Variants in PTK2 observed in about 807,000 individuals in gnomAD.
The protein encoded by PTK2 is focal adhesion kinase 1.
In PTK2, 45 loss-of-function variants were observed where a neutral mutation model predicts 150.1. The ratio of observed to expected loss-of-function variants is 0.30; its 90% confidence interval spans 0.24 to 0.38. The LOEUF (loss-of-function observed/expected upper bound fraction) is 0.38, where lower values mean the gene tolerates loss of function less well. Ranked by LOEUF, PTK2 falls within the 10% of genes least tolerant of loss-of-function variation. The probability of loss-of-function intolerance (pLI) is 1.00; values close to 1 mark genes in which losing one functional copy is unlikely to be tolerated. For synonymous variants in PTK2, 432 were observed against 449.2 expected (o/e 0.96, Z 0.48); for missense variants, 919 against 1,307.3 (o/e 0.70, Z 4.58).
At chr8:140,828,815 T>C (rs1336313416) in intron 8 of PTK2, among the ~76,000 whole-genome samples, 1 of 152,208 alleles carries the variant, frequency 6.6e-6, no homozygotes, top group Non-Finnish European at 1.5e-5. Flanking sequence ...GAATCTCCCA[T>C]TCTCCCAACT....
rs143811121 is a variant in PTK2, at chr8:140,754,291, G to GT, written c.1333-1976dup. Reference sequence around the variant, plus strand: ...GCACAGAATACCCTATCTACTAAATGTTTGAGTTTACAACCTTAGAATCAT... The same window carrying GT: ...GCACAGAATACCCTATCTACTAAATGTTTTGAGTTTACAACCTTAGAATCAT... On this transcript the variant is annotated intron_variant, in intron 16 of 31. Transcript: ENST00000522684. Among the ~76,000 whole-genome samples the GT allele has an allele frequency of 6.6e-5, 10 of 152,330 alleles. No individual in the cohort carries two copies. In the East Asian group the frequency reaches 1.9e-3, roughly 29 times the overall value.
At chr8:140,668,908 A>G (rs2093972061) in intron 29 of PTK2, 1 of 155,806 alleles carries the variant, frequency 6.4e-6, no homozygotes, top group Non-Finnish European at 1.4e-5. Flanking sequence ...TAATGGAAAC[A>G]TGTTCTTTGT....
intron 27 of PTK2, among the ~76,000 whole-genome samples, chr8:140,676,722 T>C (rs551767106): frequency 7.9e-6 from 1 of 126,182 alleles, no homozygotes; most frequent in Non-Finnish European, 1.6e-5. Flanking sequence ...GGTCAGGAGG[T>C]TGAGACCATC....
chr8:140,962,623 C>T (rs2100183736), intron 1 of PTK2, among the ~76,000 whole-genome samples: 1 of 151,906 alleles, frequency 6.6e-6, no homozygotes, highest in South Asian at 2.1e-4. Context: ...ACAGTGAAAC[C>T]TACTAAAAAT....
At chr8:140,965,369 C>T (rs1396805038) in intron 1 of PTK2, among the ~76,000 whole-genome samples, 1 of 152,104 alleles carries the variant, frequency 6.6e-6, no homozygotes, top group Non-Finnish European at 1.5e-5. Flanking sequence ...TCTGTCTCAC[C>T]CCAGGTTAGA....
intron 1 of PTK2, among the ~76,000 whole-genome samples, chr8:140,968,063 C>A (rs1436456931): frequency 6.6e-6 from 1 of 152,208 alleles, no homozygotes; most frequent in Non-Finnish European, 1.5e-5. Context: ...TAGACTGGCA[C>A]TGCTCAAAGG....
chr8:140,893,153 C>A (rs527487994), intron 2 of PTK2, among the ~76,000 whole-genome samples: 1 of 152,230 alleles, frequency 6.6e-6, no homozygotes, highest in South Asian at 2.1e-4. Flanking sequence ...CATGGCGAAA[C>A]CCCATCTCTA....
In PTK2 at chr8:140,746,859, T is replaced by C. The variant is rs777428831; in HGVS notation, c.1419A>G (p.Leu473=). The C allele has an allele frequency of 5.0e-6, 8 of 1,595,324 alleles. No homozygotes were observed. In the East Asian group the frequency reaches 1.3e-4, roughly 27 times the overall value. Residue 473 remains leucine, a splice_region_variant and synonymous_variant, in exon 18 of 32, where the codon TTA becomes TTG. Coordinates refer to ENST00000522684, the Ensembl canonical transcript of PTK2. ...GAGGATGGTCAAACTGACGCATTGTTACTAGGAAAAAAGTTCTCCATAGTT... is the reference window on the plus strand; with the variant it reads ...GAGGATGGTCAAACTGACGCATTGTCACTAGGAAAAAAGTTCTCCATAGTT...
chr8:140,698,586 T>C (rs2100028260), intron 26 of PTK2, among the ~76,000 whole-genome samples: 1 of 152,124 alleles, frequency 6.6e-6, no homozygotes. Flanking sequence ...CCTGAATAGC[T>C]GGGACTACAG....
intron 1 of PTK2, among the ~76,000 whole-genome samples, chr8:140,947,482 A>AT (rs1428752119): frequency 6.6e-6 from 1 of 152,170 alleles, no homozygotes; most frequent in African/African-American, 2.4e-5. Flanking sequence ...GCAAACCAAC[A>AT]TATCACTCCA....
At chr8:140,682,326 G>A (rs918291227) in intron 27 of PTK2, among the ~76,000 whole-genome samples, 9 of 152,146 alleles carry the variant, frequency 5.9e-5, no homozygotes, top group East Asian at 1.9e-4. Flanking sequence ...AGGTTATCAC[G>A]CCACTGTACT....
At chr8:140,787,589 G>C (rs1166736601) in intron 14 of PTK2, among the ~76,000 whole-genome samples, 4 of 152,188 alleles carry the variant, frequency 2.6e-5, no homozygotes, top group African/African-American at 7.2e-5. Context: ...ACCTTGAATG[G>C]AGAGTATTGA....
chr8:140,669,463 G>C, intron 29 of PTK2: 1 of 457,350 alleles, frequency 2.2e-6, no homozygotes, highest in Non-Finnish European at 3.8e-6. Flanking sequence ...AAGTAATCTG[G>C]AACAGATTAA....
At chr8:140,665,273 A>AT (rs111560244) in intron 30 of PTK2, among the ~76,000 whole-genome samples, 52 of 148,618 alleles carry the variant, frequency 3.5e-4, no homozygotes, top group South Asian at 3.2e-3. Context: ...GGAAAGCAGG[A>AT]TTTTTTTTTT....
At chr8:140,860,702 G>C (rs1295325879) in intron 5 of PTK2, among the ~76,000 whole-genome samples, 2 of 152,182 alleles carry the variant, frequency 1.3e-5, no homozygotes, top group South Asian at 2.1e-4. Context: ...TCGAACTCCT[G>C]ACCTCAGGTG....
At chr8:140,903,506 G>A (rs763925650) in intron 2 of PTK2, among the ~76,000 whole-genome samples, 65 of 152,168 alleles carry the variant, frequency 4.3e-4, no homozygotes, top group Non-Finnish European at 8.4e-4. Context: ...GGTTCCGTAT[G>A]AAATTTAAAG....
intron 27 of PTK2, among the ~76,000 whole-genome samples, chr8:140,684,710 T>C (rs1198656828): frequency 6.6e-6 from 1 of 152,138 alleles, no homozygotes; most frequent in Non-Finnish European, 1.5e-5. Flanking sequence ...AAATCAGAGA[T>C]GACACGAACA....
At chr8:140,878,082 G>A (rs1183711097) in intron 4 of PTK2, among the ~76,000 whole-genome samples, 1 of 152,116 alleles carries the variant, frequency 6.6e-6, no homozygotes, top group Non-Finnish European at 1.5e-5. Flanking sequence ...AAACCCTGCA[G>A]GTATTTTTAT....
At chr8:140,965,263 C>G (rs987217851) in intron 1 of PTK2, among the ~76,000 whole-genome samples, 1 of 152,142 alleles carries the variant, frequency 6.6e-6, no homozygotes, top group Non-Finnish European at 1.5e-5. Flanking sequence ...TACAGAGCAA[C>G]TTGTACTTTC....
Sources: allele counts gnomAD v4.1 joint callset (sites outside exome capture counted in the v4.1 genomes callset), GRCh38; gene constraint gnomAD v4.1.1; transcripts MANE v1.5; gene names NCBI Gene and HGNC (gene_info 2026-07-23, HGNC 2026-07-21).